Variants in ROBO2 observed in about 807,000 individuals in gnomAD.
ROBO2 encodes the protein roundabout homolog 2.
A neutral mutation model predicts 160.8 loss-of-function variants in ROBO2; 53 were observed. The ratio of observed to expected loss-of-function variants is 0.33; its 90% CI spans 0.26 to 0.41. The LOEUF (loss-of-function observed/expected upper bound fraction) is 0.41. Among genes scored for constraint, ROBO2 ranks in the 10% least tolerant of loss-of-function variants. The pLI is 1.00. For synonymous variants in ROBO2, 664 were observed against 611.7 expected (o/e 1.09, Z -1.26); for missense variants, 1,577 against 1,722.4 (o/e 0.92, Z 1.49).
At chr3:76,218,841 G>T (rs1703749924) in intron 2 of ROBO2, among the ~76,000 whole-genome samples, 1 of 152,142 alleles carries the variant, frequency 6.6e-6, no homozygotes, top group South Asian at 2.1e-4. Context: ...ACCAAAAAGA[G>T]CCCACATCGC....
At chr3:76,954,128 T>C (rs1023330162) in intron 2 of ROBO2, among the ~76,000 whole-genome samples, 18 of 152,300 alleles carry the variant, frequency 1.2e-4, no homozygotes, top group Admixed American at 7.2e-4. Context: ...CAGAATTAAA[T>C]TGGAAAATGT....
intron 2 of ROBO2, among the ~76,000 whole-genome samples, chr3:77,167,230 A>G (rs2079181398): frequency 6.6e-6 from 1 of 152,176 alleles, no homozygotes. Flanking sequence ...ATTTGAAGTT[A>G]GTATTACTAC....
intron 2 of ROBO2, among the ~76,000 whole-genome samples, chr3:77,437,468 T>C (rs1487388435): frequency 6.6e-6 from 1 of 152,114 alleles, no homozygotes; most frequent in African/African-American, 2.4e-5. Context: ...TGATTATTAT[T>C]ACATTATAGA....
At position 76,599,522 on chromosome 3, in the gene ROBO2, G is replaced by A. The variant is rs982813236; in HGVS notation, c.110-498492G>A. ...CTGCAATGAACATAAGCGTATATGTGTCTTTATGACAGAAAGACTTATATT... is the reference window on the plus strand; with the variant it reads ...CTGCAATGAACATAAGCGTATATGTATCTTTATGACAGAAAGACTTATATT... On this transcript the variant is annotated intron_variant, in intron 2 of 26. Coordinates refer to the ROBO2 transcript ENST00000487694. Among the ~76,000 whole-genome samples the A allele has an allele frequency of 2.4e-4, 36 of 152,040 alleles. 1 individual carries two copies. Among genetic ancestry groups the A allele is most frequent in the Admixed American group, 6.6e-4 (10 of 15,258 alleles).
At chr3:77,461,401 TCAC>T (rs1346757723) in intron 2 of ROBO2, among the ~76,000 whole-genome samples, 1 of 152,016 alleles carries the variant, frequency 6.6e-6, no homozygotes, top group East Asian at 1.9e-4. Flanking sequence ...TGAGAAAAGT[TCAC>T]CAAGAGTTAT....
At chr3:77,090,027 A>G (rs1331959916) in intron 1 of ROBO2, among the ~76,000 whole-genome samples, 1 of 152,172 alleles carries the variant, frequency 6.6e-6, no homozygotes, top group Admixed American at 6.5e-5. Flanking sequence ...TATATTTTTG[A>G]CTAACGATAA....
In ROBO2 at chr3:77,531,538, CAA is replaced by C. The variant is rs35520051; in HGVS notation, c.934+8646_934+8647del. On this transcript the variant is annotated intron_variant, in intron 6 of 25. Transcript: ENST00000461745. ...TCTATTCTGAGGCCACCAAGAAGTC[CAA>C]AAAAAAAAATGGTTTGTGATTGAAA... 7.2e-3 allele frequency among the ~76,000 whole-genome samples: 1,059 copies of C among 147,866 alleles called. 9 individuals carry two copies. The highest frequency in any genetic ancestry group is 0.022 in the African/African-American group (867 of 40,240).
intron 2 of ROBO2, among the ~76,000 whole-genome samples, chr3:77,401,707 A>G (rs2075811834): frequency 6.6e-6 from 1 of 152,108 alleles, no homozygotes; most frequent in African/African-American, 2.4e-5. Context: ...ACACACCAGG[A>G]ATGTCAGGCA....
intron 6 of ROBO2, among the ~76,000 whole-genome samples, chr3:77,546,103 A>G (rs150769447): frequency 1.3e-3 from 193 of 152,268 alleles, no homozygotes; most frequent in Non-Finnish European, 2.1e-3. Context: ...TGTAGGCCAA[A>G]GGATTACAAT....
intron 2 of ROBO2, among the ~76,000 whole-genome samples, chr3:76,593,462 A>G (rs775068271): frequency 2.6e-5 from 4 of 152,102 alleles, no homozygotes; most frequent in Non-Finnish European, 5.9e-5. Flanking sequence ...GATGATTCTT[A>G]CATACTAAAT....
chr3:76,255,608 T>G (rs1467319675), intron 2 of ROBO2, among the ~76,000 whole-genome samples: 1 of 151,962 alleles, frequency 6.6e-6, no homozygotes, highest in Non-Finnish European at 1.5e-5. Context: ...AAAAAAAAAT[T>G]TGAGTATTTA....
chr3:76,764,869 C>G (rs2061491655), intron 2 of ROBO2, among the ~76,000 whole-genome samples: 1 of 151,552 alleles, frequency 6.6e-6, no homozygotes, highest in Non-Finnish European at 1.5e-5. Context: ...TATATTTTGC[C>G]TTTCTTGATA....
intron 2 of ROBO2, among the ~76,000 whole-genome samples, chr3:76,914,888 C>A (rs73102479): frequency 0.14 from 20,679 of 152,012 alleles, 1,597 homozygotes; most frequent in Admixed American, 0.22. Flanking sequence ...AGAACAGCAT[C>A]CCATTCTTAC....
intron 2 of ROBO2, among the ~76,000 whole-genome samples, chr3:76,899,995 T>C (rs962914614): frequency 6.6e-6 from 1 of 152,082 alleles, no homozygotes; most frequent in African/African-American, 2.4e-5. Context: ...CAATTTACAA[T>C]AGAATGACAT....
intron 2 of ROBO2, among the ~76,000 whole-genome samples, chr3:76,249,766 G>A (rs1300833559): frequency 1.3e-5 from 2 of 152,104 alleles, no homozygotes; most frequent in African/African-American, 4.8e-5. Flanking sequence ...AATGGAATGA[G>A]AGAGAGGAAT....
chr3:76,015,811 T>A (rs1337217367), intron 2 of ROBO2, among the ~76,000 whole-genome samples: 2 of 152,232 alleles, frequency 1.3e-5, no homozygotes, highest in Non-Finnish European at 2.9e-5. Flanking sequence ...AACTTCCAAC[T>A]AGAACAAGCC....
chr3:77,335,800 G>A (rs2066437160), intron 2 of ROBO2, among the ~76,000 whole-genome samples: 1 of 152,174 alleles, frequency 6.6e-6, no homozygotes, highest in African/African-American at 2.4e-5. Flanking sequence ...TGTTAGATAA[G>A]GCAACTTTGA....
rs188239265 is a variant in ROBO2, at chr3:76,394,999, C to T, written c.109+457397C>T. 3.9e-3 allele frequency among the ~76,000 whole-genome samples: 598 copies of T among 152,250 alleles called. 6 individuals carry two copies. Among genetic ancestry groups the T allele is most frequent in the African/African-American group, 0.014 (562 of 41,536 alleles). On this transcript the variant is annotated intron_variant, in intron 2 of 26. Transcript: ENST00000487694. ...ACCTAATAGACATCTACAGAACTCTCCACCCCAAATCAACAGAATATACAT... is the reference window on the plus strand; with the variant it reads ...ACCTAATAGACATCTACAGAACTCTTCACCCCAAATCAACAGAATATACAT...
In ROBO2 at chr3:76,039,062, T is replaced by C. The variant is rs547026821; in HGVS notation, c.109+101460T>C. Among the ~76,000 whole-genome samples the C allele has an allele frequency of 1.6e-4, 25 of 152,026 alleles. 1 individual carries two copies. In the South Asian group the frequency reaches 5.2e-3, roughly 31 times the overall value. ...ACAAAATCAGGAAAATGGTAGCACA[T>C]GTAAAATTTGTTTTAGGTAGAAGAA... On this transcript the variant is annotated intron_variant, in intron 2 of 26. Coordinates refer to the ROBO2 transcript ENST00000487694.
Sources: allele counts gnomAD v4.1 joint callset (sites outside exome capture counted in the v4.1 genomes callset), GRCh38; gene constraint gnomAD v4.1.1; transcripts MANE v1.5; gene names NCBI Gene and HGNC (gene_info 2026-07-23, HGNC 2026-07-21).